CTNNA2: variants seen among roughly 807,000 people sequenced by gnomAD.
CTNNA2 encodes catenin alpha-2.
A neutral mutation model predicts 101.0 loss-of-function variants in CTNNA2; 42 were observed. The observed-to-expected ratio is 0.42, with a 90% CI of 0.32 to 0.54. The LOEUF (loss-of-function observed/expected upper bound fraction) is 0.54, where lower values mean the gene tolerates loss of function less well. CTNNA2 is among the 20% of genes least tolerant of loss of function. The pLI is 0.14. For missense variants in CTNNA2, 871 were observed against 1,223.1 expected, an observed-to-expected ratio of 0.71 and a Z score of 4.29; for synonymous variants, 450 against 456.4, an observed-to-expected ratio of 0.99 and a Z score of 0.18.
chr2:80,584,452 G>T (rs543448076), intron 14 of CTNNA2, among the ~76,000 whole-genome samples: 3 of 148,574 alleles, frequency 2.0e-5, no homozygotes, highest in Admixed American at 6.8e-5. Context: ...GGTTTAGGAG[G>T]GGGGAATGAA....
chr2:79,938,727 A>G (rs1687951498), intron 7 of CTNNA2, among the ~76,000 whole-genome samples: 1 of 152,196 alleles, frequency 6.6e-6, no homozygotes, highest in Admixed American at 6.5e-5. Flanking sequence ...TTTTAAAAGT[A>G]TTATCTAGAA....
At chr2:79,538,502 A>C (rs1673209205) in intron 1 of CTNNA2, among the ~76,000 whole-genome samples, 1 of 152,174 alleles carries the variant, frequency 6.6e-6, no homozygotes, top group South Asian at 2.1e-4. Context: ...GGAAGCATGG[A>C]GGACAGAGAG....
chr2:80,624,015 C>A (rs1671414829), intron 18 of CTNNA2, among the ~76,000 whole-genome samples: 1 of 151,942 alleles, frequency 6.6e-6, no homozygotes, highest in African/African-American at 2.4e-5. Context: ...GCTATTGAAT[C>A]TCCTTGAAAG....
chr2:80,255,872 G>T (rs552999631), intron 7 of CTNNA2, among the ~76,000 whole-genome samples: 1 of 152,070 alleles, frequency 6.6e-6, no homozygotes, highest in Admixed American at 6.6e-5. Context: ...TAGTATCCGG[G>T]AAAATAAATA....
At chr2:79,231,517 G>A (rs1674493127) in intron 2 of CTNNA2, among the ~76,000 whole-genome samples, 1 of 152,176 alleles carries the variant, frequency 6.6e-6, no homozygotes, top group Admixed American at 6.5e-5. Context: ...TCAGCAGTGT[G>A]AAAACAGACT....
rs116498343 is a variant in CTNNA2 at position 79,622,435 on chromosome 2, G to A, written c.-5-29117G>A. 7.6e-3 allele frequency among the ~76,000 whole-genome samples: 1,157 copies of A among 152,312 alleles called. 12 individuals are homozygous for A. The highest frequency in any genetic ancestry group is 0.027 in the African/African-American group (1,104 of 41,560). On this transcript the variant is annotated intron_variant, in intron 1 of 18. Coordinates refer to ENST00000402739, the MANE Select transcript of CTNNA2 (RefSeq NM_001282597.3). ...TAGCAGTGCTTTAAAGAAAGAGGAA[G>A]AATTTATGTAATGATCCTTTAAATT...
intron 7 of CTNNA2, among the ~76,000 whole-genome samples, chr2:80,003,870 C>T (rs1693136581): frequency 6.6e-6 from 1 of 152,118 alleles, no homozygotes; most frequent in South Asian, 2.1e-4. Context: ...CAATAGATCC[C>T]TAGGATGCCA....
chr2:79,243,529 T>G (rs190857128), intron 2 of CTNNA2, among the ~76,000 whole-genome samples: 3 of 152,334 alleles, frequency 2.0e-5, no homozygotes, highest in Admixed American at 2.0e-4. Flanking sequence ...CGAAGCTTGT[T>G]AAGCCCCTTC....
At chr2:80,267,460 A>T (rs2149133187) in intron 7 of CTNNA2, among the ~76,000 whole-genome samples, 1 of 152,224 alleles carries the variant, frequency 6.6e-6, no homozygotes, top group East Asian at 1.9e-4. Flanking sequence ...GCCTAATTGG[A>T]TTTTCTTCTA....
chr2:79,982,892 G>A (rs983257731), intron 7 of CTNNA2, among the ~76,000 whole-genome samples: 11 of 151,924 alleles, frequency 7.2e-5, no homozygotes, highest in African/African-American at 2.7e-4. Flanking sequence ...TGGATTAAAG[G>A]AATAACTCTC....
intron 7 of CTNNA2, among the ~76,000 whole-genome samples, chr2:80,181,654 T>C (rs1705788273): frequency 6.6e-6 from 1 of 152,176 alleles, no homozygotes; most frequent in Non-Finnish European, 1.5e-5. Context: ...CCCGAGTTCA[T>C]CATTTTCTTT....
At chr2:79,837,473 T>G (rs1222772065) in intron 3 of CTNNA2, among the ~76,000 whole-genome samples, 1 of 152,204 alleles carries the variant, frequency 6.6e-6, no homozygotes, top group African/African-American at 2.4e-5. Flanking sequence ...ATCAATACTT[T>G]GTATCCTTCA....
At chr2:79,195,993 G>A (rs1673955524) in intron 1 of CTNNA2, among the ~76,000 whole-genome samples, 1 of 152,150 alleles carries the variant, frequency 6.6e-6, no homozygotes, top group Admixed American at 6.5e-5. Flanking sequence ...CTGGAGTGCA[G>A]TGATGCGATC....
chr2:80,041,136 G>T lies in CTNNA2; in HGVS notation c.1056+131339G>T, dbSNP rs539387246. Among the ~76,000 whole-genome samples, 5 of 151,970 alleles carry T rather than the reference G, an allele frequency of 3.3e-5. No homozygotes were observed. The South Asian group carries it at 1.0e-3, about 32-fold the overall frequency. On this transcript the variant is annotated intron_variant, in intron 7 of 18. Coordinates refer to ENST00000402739, the MANE Select transcript of CTNNA2 (RefSeq NM_001282597.3). ...GTATACCAATATATATTTATGATAC[G>T]TACTGTGGCTGAGAAAATCATGAGT...
chr2:79,841,628 A>C (rs571207915), intron 3 of CTNNA2, among the ~76,000 whole-genome samples: 3 of 152,328 alleles, frequency 2.0e-5, no homozygotes, highest in African/African-American at 7.2e-5. Flanking sequence ...ATGATGAATA[A>C]TTTCTCATTC....
chr2:80,145,514 G>A (rs1449779999), intron 7 of CTNNA2, among the ~76,000 whole-genome samples: 1 of 152,162 alleles, frequency 6.6e-6, no homozygotes, highest in Non-Finnish European at 1.5e-5. Context: ...TAACTGCCAT[G>A]TGCCTACTCC....
intron 4 of CTNNA2, among the ~76,000 whole-genome samples, chr2:79,867,439 T>C (rs1260465373): frequency 6.6e-6 from 1 of 152,078 alleles, no homozygotes; most frequent in East Asian, 1.9e-4. Flanking sequence ...TATCTACTAG[T>C]AGTGTGTGCC....
intron 3 of CTNNA2, among the ~76,000 whole-genome samples, chr2:79,818,131 TA>T (rs1677680856): frequency 6.6e-6 from 1 of 152,176 alleles, no homozygotes. Context: ...ATTATATAAT[TA>T]AAGCAAACTA....
intron 9 of CTNNA2, among the ~76,000 whole-genome samples, chr2:80,520,209 A>G (rs1689423862): frequency 6.6e-6 from 1 of 152,032 alleles, no homozygotes; most frequent in Non-Finnish European, 1.5e-5. Context: ...TGAACTCTGA[A>G]TATACTCACC....
Sources: gnomAD v4.1 joint callset for allele counts (sites outside exome capture counted in the v4.1 genomes callset) on GRCh38, gnomAD v4.1.1 for gene constraint, MANE v1.5 for transcripts, NCBI Gene and HGNC (gene_info 2026-07-23, HGNC 2026-07-21) for gene names.